CARS1: variants seen among roughly 807,000 people sequenced by gnomAD.
CARS1 encodes the protein cysteinyl-tRNA synthetase 1.
A neutral mutation model predicts 106.2 loss-of-function variants in CARS1; 48 were observed. The observed-to-expected ratio is 0.45, with a 90% CI of 0.36 to 0.57. The LOEUF (loss-of-function observed/expected upper bound fraction) is 0.57. CARS1 is among the 20% of genes least tolerant of loss of function. The pLI, the probability that CARS1 is intolerant of heterozygous loss-of-function variation, is 0.00. For synonymous variants in CARS1, 409 were observed against 403.4 expected, an observed-to-expected ratio of 1.01 and a Z score of -0.17; for missense variants, 968 against 1,057.2, an observed-to-expected ratio of 0.92 and a Z score of 1.17.
Position 3,025,822 on chromosome 11 carries a change from T to A in CARS1, c.1153+854A>T, listed in dbSNP as rs114076309. ...GATATCTGTGTTTGAAGCATTTGGA[T>A]CCAGATGGGCGCACAGGCTGTTGTC... is the stretch of plus-strand genomic sequence containing the variant. On this transcript the variant is annotated intron_variant, in intron 10 of 22. Coordinates refer to ENST00000380525, the MANE Select transcript of CARS1 (RefSeq NM_001014437.3). 8.4e-3 allele frequency among the ~76,000 whole-genome samples: 1,273 copies of A among 152,268 alleles called. 21 individuals carry two copies. Among genetic ancestry groups the A allele is most frequent in the African/African-American group, 0.029 (1,208 of 41,532 alleles).
intron 17 of CARS1, 88 bp downstream of exon 17, chr11:3,015,689 GCAGA>G (rs1850917292): frequency 9.0e-7 from 1 of 1,111,634 alleles, no homozygotes; most frequent in Non-Finnish European, 1.4e-6. Flanking sequence ...GTGTGGGTGG[GCAGA>G]CAGAGGAGGG....
In CARS1 at chr11:3,044,665, G is replaced by C. The variant is rs1854894774; in HGVS notation, c.275-2409C>G. The stretch of plus-strand genomic sequence containing the variant: ...CTGCCTTGGCCTCCTAAAGTGCTGG[G>C]ATTACAGGTGTGAGCCACCGCGCCT... On this transcript the variant is annotated intron_variant, in intron 2 of 22. Transcript: ENST00000380525. The surrounding 1 kb of genome is among the most constrained non-coding windows in gnomAD (Gnocchi z 4.4). Among the ~76,000 whole-genome samples, 1 of 152,132 alleles carries C rather than the reference G, an allele frequency of 6.6e-6. No homozygotes were observed. Among genetic ancestry groups the C allele is most frequent in the Non-Finnish European group, 1.5e-5 (1 of 68,016 alleles).
Position 3,020,412 on chromosome 11 carries a change from G to GT in CARS1, c.1154-81dup. 1.2e-6 allele frequency: 1 copy of GT among 809,930 alleles called. No homozygotes were observed. Among genetic ancestry groups the GT allele is most frequent in the Non-Finnish European group, 2.2e-6 (1 of 460,466 alleles). The allele number at this position is 809,930 out of a possible 1,614,324, so 50.2% of individuals were successfully genotyped here. ...ATGTCTCACTTCAAGGCCATCCACG[G>GT]TGCCTAATGGGCAGTCCTTCTGACT... On this transcript the variant is annotated intron_variant, in intron 10 of 22. Coordinates refer to ENST00000380525, the MANE Select transcript of CARS1 (RefSeq NM_001014437.3). This position sits in a 1 kb window ranked among gnomAD's most constrained non-coding sequence, Gnocchi z 4.6.
chr11:3,044,685 G>A lies in CARS1; in HGVS notation c.275-2429C>T, dbSNP rs998037986. ...GCTGGGATTACAGGTGTGAGCCACC[G>A]CGCCTGGCCTGTGCTTTTGTTTCTT... On this transcript the variant is annotated intron_variant, in intron 2 of 22. Transcript: ENST00000380525. The surrounding 1 kb of genome is among the most constrained non-coding windows in gnomAD (Gnocchi z 4.4). 1.2e-4 allele frequency among the ~76,000 whole-genome samples: 19 copies of A among 152,122 alleles called. No individual in the cohort carries two copies. The highest frequency in any genetic ancestry group is 1.4e-4 in the African/African-American group (6 of 41,416).
intron 2 of CARS1, 143 bp from the exon 3 acceptor site, chr11:3,042,399 TCAA>T: frequency 1.7e-6 from 1 of 605,584 alleles, no homozygotes; most frequent in Non-Finnish European, 2.9e-6. Flanking sequence ...CGAATCTCGG[TCAA>T]CATTACGCAG....
intron 1 of CARS1, chr11:3,054,818 CT>C (rs1297120809): frequency 1.4e-6 from 1 of 696,906 alleles, no homozygotes; most frequent in Non-Finnish European, 2.6e-6. Flanking sequence ...AAAATGCTGG[CT>C]GTGTTATTAT....
chr11:3,018,327 G>T, intron 14 of CARS1, 81 bp downstream of exon 14: 2 of 883,588 alleles, frequency 2.3e-6, no homozygotes, highest in Non-Finnish European at 1.8e-6. Context: ...GGAGGCTGGT[G>T]CACCTATCAC....
Position 3,019,091 on chromosome 11 carries a change from T to C in CARS1, c.1395+48A>G, listed in dbSNP as rs768875357. On this transcript the variant is annotated intron_variant, in intron 12 of 22. Transcript: ENST00000380525. The surrounding 1 kb of genome is among the most constrained non-coding windows in gnomAD (Gnocchi z 6.2). ...GGCTGACTTTTCCTCCACTGCAGTA[T>C]GAACACTGTGCTCTTGCACCTGACA... 3 of 1,497,780 alleles carry C rather than the reference T, an allele frequency of 2.0e-6. No homozygotes were observed. The highest frequency in any genetic ancestry group is 2.7e-6 in the Non-Finnish European group (3 of 1,125,466). The allele number at this position is 1,497,780 out of a possible 1,614,324, so 92.8% of individuals were successfully genotyped here.
intron 19 of CARS1, among the ~76,000 whole-genome samples, chr11:3,006,507 A>T (rs1247601769): frequency 6.6e-6 from 1 of 152,278 alleles, no homozygotes; most frequent in Non-Finnish European, 1.5e-5. Flanking sequence ...TGTGGAACAA[A>T]AAGACCTCCA....
chr11:3,026,303 C>T (rs1253248240), intron 10 of CARS1, among the ~76,000 whole-genome samples: 2 of 151,998 alleles, frequency 1.3e-5, no homozygotes, highest in African/African-American at 4.8e-5. Flanking sequence ...CTATAGTTAC[C>T]AAAACATTTG....
intron 9 of CARS1, chr11:3,027,205 G>C (rs546847209): frequency 4.4e-5 from 7 of 157,652 alleles, no homozygotes; most frequent in Non-Finnish European, 9.8e-5. Context: ...TGTCCTCTCT[G>C]AGCTTCGGCT....
chr11:3,016,720 C>T (rs1049606191), intron 16 of CARS1, among the ~76,000 whole-genome samples: 4 of 151,756 alleles, frequency 2.6e-5, no homozygotes. Flanking sequence ...CTCAAGCGAG[C>T]CCCTCACCTC....
chr11:3,018,154 T>G, intron 14 of CARS1, 200 bp from the exon 15 acceptor site: 3 of 613,362 alleles, frequency 4.9e-6, no homozygotes, highest in Non-Finnish European at 8.6e-6. Flanking sequence ...GCTCATTTGG[T>G]GGAAAGTACA....
In CARS1 at chr11:3,020,018, G is replaced by A. The variant is rs2106230; in HGVS notation, c.1266+202C>T. On this transcript the variant is annotated intron_variant, in intron 11 of 22. Coordinates refer to ENST00000380525, the MANE Select transcript of CARS1 (RefSeq NM_001014437.3). This position sits in a 1 kb window ranked among gnomAD's most constrained non-coding sequence, Gnocchi z 4.6. ...GACCAGAAAACAGAAATCCCAGGAG[G>A]GAAGTGATTTGTCCAGAGACTCAGG... Among the ~76,000 whole-genome samples, 2,812 of 152,322 alleles carry A rather than the reference G, an allele frequency of 0.018. 45 individuals are homozygous for A. Among genetic ancestry groups the A allele is most frequent in the Middle Eastern group, 0.034 (10 of 294 alleles).
At position 3,048,293 on chromosome 11, in the gene CARS1, T is replaced by C. The variant is rs983128435; in HGVS notation, c.26-292A>G. 31 of 333,456 alleles carry C rather than the reference T, an allele frequency of 9.3e-5. No homozygotes were observed. The highest frequency in any genetic ancestry group is 8.0e-4 in the Middle Eastern group (1 of 1,252). 20.7% of individuals were successfully genotyped at this position (333,456 alleles called of 1,614,324 possible). A position where few individuals can be genotyped will look rare whatever the true frequency, so the allele number is the denominator to read the frequency against. On this transcript the variant is annotated intron_variant, in intron 1 of 22. Coordinates refer to ENST00000380525, the MANE Select transcript of CARS1 (RefSeq NM_001014437.3). The surrounding 1 kb of genome is among the most constrained non-coding windows in gnomAD (Gnocchi z 5.1). ...CATCATGCGCCAAATACCACAGAAT[T>C]GTGTACTTTTCACTTTATGTCATAT... is the stretch of plus-strand genomic sequence containing the variant.
At chr11:3,010,107 C>T (rs554132905) in intron 18 of CARS1, among the ~76,000 whole-genome samples, 3 of 152,358 alleles carry the variant, frequency 2.0e-5, no homozygotes, top group African/African-American at 7.2e-5. Flanking sequence ...GAAAAGCAAA[C>T]AGAAAGCAAA....
chr11:3,023,272 C>T (rs943404635), intron 10 of CARS1, among the ~76,000 whole-genome samples: 6 of 152,294 alleles, frequency 3.9e-5, no homozygotes, highest in Admixed American at 1.3e-4. Flanking sequence ...AGTTCCCTCC[C>T]GGCATCTAAG....
chr11:3,002,676 C>T lies in CARS1; in HGVS notation c.2218-76G>A, dbSNP rs144945522. The T allele has an allele frequency of 2.4e-4, 381 of 1,596,728 alleles. No individual in the cohort carries two copies. In the African/African-American group the frequency reaches 2.5e-3, roughly 11 times the overall value. On this transcript the variant is annotated intron_variant, in intron 20 of 22. Transcript: ENST00000380525. ...GGTCTCTCGGAGTGAGAGGTCTAGC[C>T]AAACAAGCCCCTCTCCTAGGGCCTG...
intron 7 of CARS1, among the ~76,000 whole-genome samples, chr11:3,032,895 C>T (rs773249973): frequency 4.0e-5 from 6 of 151,220 alleles, no homozygotes; most frequent in African/African-American, 7.3e-5. Flanking sequence ...AAGTAAACCA[C>T]GGACTCAGGG....
Sources: gnomAD v4.1 joint callset for allele counts (sites outside exome capture counted in the v4.1 genomes callset) on GRCh38, gnomAD v4.1.1 for gene constraint, Gnocchi (gnomAD v3.1) non-coding constraint, MANE v1.5 for transcripts, NCBI Gene and HGNC (gene_info 2026-07-23, HGNC 2026-07-21) for gene names.